Variants in KCNIP4 observed in about 807,000 individuals in gnomAD.
KCNIP4 encodes the protein potassium voltage-gated channel interacting protein 4, also known as Kv channel-interacting protein 4.
In KCNIP4, 12 loss-of-function variants were observed where a neutral mutation model predicts 34.0. The ratio of observed to expected loss-of-function variants is 0.35; its 90% CI spans 0.23 to 0.57. The LOEUF is 0.57. Among genes scored for constraint, KCNIP4 ranks in the 20% least tolerant of loss-of-function variants. The probability of loss-of-function intolerance (pLI) is 0.83; values close to 1 mark genes in which losing one functional copy is unlikely to be tolerated. For missense variants in KCNIP4, 238 were observed against 311.7 expected (o/e 0.76, Z 1.78); for synonymous variants, 124 against 102.2 (o/e 1.21, Z -1.29).
rs189909453 is a variant in KCNIP4, at chr4:21,242,658, C to T, written c.62-359949G>A. Among the ~76,000 whole-genome samples the T allele has an allele frequency of 3.9e-5, 6 of 152,228 alleles. No homozygotes were observed. The East Asian group carries it at 1.2e-3, about 29-fold the overall frequency. ...TTACCCCTTTTCTTTCTCTTGCCTG[C>T]CTTTCCTAGCTGGGAAATTGTTCTT... On this transcript the variant is annotated intron_variant, in intron 1 of 8. Coordinates refer to ENST00000382152, the MANE Select transcript of KCNIP4 (RefSeq NM_025221.6).
intron 1 of KCNIP4, among the ~76,000 whole-genome samples, chr4:21,088,050 G>A (rs571280084): frequency 6.6e-6 from 1 of 152,010 alleles, no homozygotes; most frequent in Non-Finnish European, 1.5e-5. Context: ...TTCCAAAAAT[G>A]TCTATTCAAA....
intron 3 of KCNIP4, among the ~76,000 whole-genome samples, chr4:20,815,174 C>G (rs1220519427): frequency 2.0e-5 from 3 of 152,054 alleles, no homozygotes; most frequent in African/African-American, 7.2e-5. Context: ...AATTGATCCT[C>G]AAAATGGTAA....
intron 1 of KCNIP4, among the ~76,000 whole-genome samples, chr4:21,470,409 CTAAGTACTTTAACTTGTTCACAA>C (rs71655638): frequency 0.12 from 17,953 of 152,198 alleles, 1,242 homozygotes; most frequent in South Asian, 0.16. Flanking sequence ...CTTCTTTGAA[CTAAGTACTTTAACTTGTTCACAA>C]TAATCTTGTA....
At chr4:21,303,951 C>T in intron 1 of KCNIP4, 1 of 1,597,820 alleles carries the variant, frequency 6.3e-7, no homozygotes, top group Non-Finnish European at 8.5e-7. Context: ...AGAAGTGCTC[C>T]TCTGCCTGGC....
intron 3 of KCNIP4, among the ~76,000 whole-genome samples, chr4:20,763,766 G>T (rs1273564829): frequency 6.6e-6 from 1 of 152,064 alleles, no homozygotes; most frequent in African/African-American, 2.4e-5. Context: ...TCACTATGTT[G>T]CCCAGGCTGG....
intron 1 of KCNIP4, among the ~76,000 whole-genome samples, chr4:21,540,235 T>C (rs1737567048): frequency 1.3e-5 from 2 of 152,024 alleles, no homozygotes. Flanking sequence ...TTGGGAGGAG[T>C]CTGTTTTTTG....
At chr4:20,991,565 G>A (rs1177629182) in intron 1 of KCNIP4, among the ~76,000 whole-genome samples, 1 of 152,130 alleles carries the variant, frequency 6.6e-6, no homozygotes, top group African/African-American at 2.4e-5. Flanking sequence ...TGGCCAGGGA[G>A]ACGTGATCTA....
At chr4:21,174,829 C>T (rs548431875) in intron 1 of KCNIP4, among the ~76,000 whole-genome samples, 26 of 151,100 alleles carry the variant, frequency 1.7e-4, no homozygotes, top group Non-Finnish European at 3.4e-4. Flanking sequence ...CACTTGAACC[C>T]GTGGAGGTTG....
At chr4:21,075,330 G>A (rs967193684) in intron 1 of KCNIP4, among the ~76,000 whole-genome samples, 1 of 152,022 alleles carries the variant, frequency 6.6e-6, no homozygotes, top group African/African-American at 2.4e-5. Context: ...TCTTGTATTG[G>A]GTGCATATAT....
At chr4:20,874,078 A>G (rs1418778751) in intron 2 of KCNIP4, among the ~76,000 whole-genome samples, 2 of 152,200 alleles carry the variant, frequency 1.3e-5, no homozygotes, top group Non-Finnish European at 2.9e-5. Flanking sequence ...GCCAACATTT[A>G]GTGACCATGT....
At chr4:20,968,198 A>G (rs1734569397) in intron 1 of KCNIP4, among the ~76,000 whole-genome samples, 1 of 152,252 alleles carries the variant, frequency 6.6e-6, no homozygotes. Context: ...ACTGGCCATC[A>G]GAGAAATGCA....
chr4:20,896,624 G>T (rs562397260), intron 1 of KCNIP4, among the ~76,000 whole-genome samples: 1 of 152,088 alleles, frequency 6.6e-6, no homozygotes, highest in East Asian at 1.9e-4. Context: ...ACAAGAATAG[G>T]TTCTCCTTCA....
chr4:21,252,756 C>CTTTT (rs5856614), intron 1 of KCNIP4, among the ~76,000 whole-genome samples: 1 of 132,278 alleles, frequency 7.6e-6, no homozygotes, highest in Admixed American at 7.6e-5. Context: ...GGCAAATCCT[C>CTTTT]TTTTTTTTTT....
intron 1 of KCNIP4, among the ~76,000 whole-genome samples, chr4:21,253,408 G>A (rs1224486458): frequency 6.6e-6 from 1 of 152,158 alleles, no homozygotes; most frequent in Non-Finnish European, 1.5e-5. Flanking sequence ...ATGACATCAT[G>A]TGTTATGGCC....
At chr4:20,841,093 T>A (rs565779093) in intron 3 of KCNIP4, among the ~76,000 whole-genome samples, 1 of 152,192 alleles carries the variant, frequency 6.6e-6, no homozygotes, top group Non-Finnish European at 1.5e-5. Context: ...AAAGGAGCCA[T>A]GCTCTTTCAC....
At chr4:21,566,680 T>C (rs1021994478) in intron 1 of KCNIP4, among the ~76,000 whole-genome samples, 3 of 152,110 alleles carry the variant, frequency 2.0e-5, no homozygotes, top group African/African-American at 7.2e-5. Context: ...AATACACTTA[T>C]ACAAGGCAGT....
At chr4:21,299,691 C>T (rs77014502) in intron 1 of KCNIP4, among the ~76,000 whole-genome samples, 4,371 of 152,198 alleles carry the variant, frequency 0.029, 127 homozygotes, top group East Asian at 0.096. Flanking sequence ...TCAGCCCCTC[C>T]TAGTCATCTC....
At chr4:21,797,504 T>C (rs1720702782) in intron 1 of KCNIP4, among the ~76,000 whole-genome samples, 1 of 152,146 alleles carries the variant, frequency 6.6e-6, no homozygotes, top group African/African-American at 2.4e-5. Context: ...TCCATTTATG[T>C]TTCTTACACA....
At chr4:20,883,714 A>G (rs1314029933) in intron 1 of KCNIP4, among the ~76,000 whole-genome samples, 1 of 150,806 alleles carries the variant, frequency 6.6e-6, no homozygotes, top group Non-Finnish European at 1.5e-5. Flanking sequence ...CTTATCTTGG[A>G]ATTATAAAAA....
Sources: allele counts gnomAD v4.1 joint callset (sites outside exome capture counted in the v4.1 genomes callset), GRCh38; gene constraint gnomAD v4.1.1; transcripts MANE v1.5; gene names NCBI Gene and HGNC (gene_info 2026-07-23, HGNC 2026-07-21).